Variants in IGFBP7 observed in about 807,000 individuals in gnomAD.
IGFBP7 encodes the protein insulin like growth factor binding protein 7.
A neutral mutation model predicts 29.4 loss-of-function variants in IGFBP7; 31 were observed. The observed-to-expected ratio is 1.05, with a 90% CI of 0.79 to 1.42. The LOEUF is 1.42. Ranked by LOEUF, IGFBP7 falls within the 40% of genes most tolerant of loss-of-function variation. The pLI is 0.00. For synonymous variants in IGFBP7, 172 were observed against 174.9 expected, an observed-to-expected ratio of 0.98 and a Z score of 0.13; for missense variants, 393 against 395.5, an observed-to-expected ratio of 0.99 and a Z score of 0.05.
At chr4:57,032,986 A>G (rs1723978172) in intron 3 of IGFBP7, among the ~76,000 whole-genome samples, 1 of 152,176 alleles carries the variant, frequency 6.6e-6, no homozygotes, top group African/African-American at 2.4e-5. Context: ...GTTCTTGTTA[A>G]TTCATTGGTT....
At chr4:57,042,108 T>C (rs10012869) in intron 1 of IGFBP7, among the ~76,000 whole-genome samples, 15,690 of 152,116 alleles carry the variant, frequency 0.1, 2,568 homozygotes, top group African/African-American at 0.34. Flanking sequence ...GCCAGAATGA[T>C]GCTTCTCCAT....
intron 1 of IGFBP7, among the ~76,000 whole-genome samples, chr4:57,060,480 G>A (rs1463946300): frequency 6.6e-6 from 1 of 152,166 alleles, no homozygotes; most frequent in Admixed American, 6.5e-5. Flanking sequence ...CCCTCAATCA[G>A]GTTTGAGGTT....
intron 1 of IGFBP7, among the ~76,000 whole-genome samples, chr4:57,061,414 T>C (rs1278948093): frequency 1.1e-4 from 16 of 152,184 alleles, no homozygotes; most frequent in Admixed American, 9.2e-4. Flanking sequence ...ATAGAACAAC[T>C]ATAACAATAA....
chr4:57,085,579 AGTTGTAT>A (rs1327270114), intron 1 of IGFBP7, among the ~76,000 whole-genome samples: 1 of 50,690 alleles, frequency 2.0e-5, no homozygotes. Context: ...TCAGATAGTC[AGTTGTAT>A]GTAGTTTTCA....
chr4:57,083,823 A>G (rs1273044531), intron 1 of IGFBP7, among the ~76,000 whole-genome samples: 2 of 152,110 alleles, frequency 1.3e-5, no homozygotes, highest in East Asian at 3.8e-4. Flanking sequence ...GAATAGTTCT[A>G]TTTTATTAGT....
chr4:57,034,193 T>C (rs1724025330), intron 2 of IGFBP7, among the ~76,000 whole-genome samples: 1 of 152,212 alleles, frequency 6.6e-6, no homozygotes, highest in African/African-American at 2.4e-5. Flanking sequence ...TACTGAATAG[T>C]ATCCTTTTTG....
At chr4:57,050,870 C>G (rs1446465206) in intron 1 of IGFBP7, among the ~76,000 whole-genome samples, 2 of 152,092 alleles carry the variant, frequency 1.3e-5, no homozygotes, top group African/African-American at 4.8e-5. Context: ...TTGCTGAGTA[C>G]ATGCTAACAT....
chr4:57,056,374 CGT>C (rs1560496166), intron 1 of IGFBP7, among the ~76,000 whole-genome samples: 1 of 152,070 alleles, frequency 6.6e-6, no homozygotes, highest in Non-Finnish European at 1.5e-5. Flanking sequence ...TAGTTCTTCT[CGT>C]GTGTGTGTCT....
chr4:57,101,864 C>A (rs952430433), intron 1 of IGFBP7, among the ~76,000 whole-genome samples: 54 of 152,074 alleles, frequency 3.6e-4, no homozygotes, highest in African/African-American at 1.2e-3. Context: ...GTAAAAGACT[C>A]ACTGGGAAAT....
At chr4:57,068,634 A>C (rs1287021103) in intron 1 of IGFBP7, among the ~76,000 whole-genome samples, 1 of 152,244 alleles carries the variant, frequency 6.6e-6, no homozygotes, top group Non-Finnish European at 1.5e-5. Flanking sequence ...AAAAAATAAA[A>C]GAAAATATCA....
At chr4:57,062,964 G>A (rs1724833994) in intron 1 of IGFBP7, among the ~76,000 whole-genome samples, 1 of 152,138 alleles carries the variant, frequency 6.6e-6, no homozygotes, top group Admixed American at 6.6e-5. Flanking sequence ...ATCCAGAATA[G>A]ATAAGATCTG....
intron 1 of IGFBP7, among the ~76,000 whole-genome samples, chr4:57,087,452 G>A (rs907839871): frequency 6.6e-6 from 1 of 152,214 alleles, no homozygotes; most frequent in Non-Finnish European, 1.5e-5. Flanking sequence ...ATTTTGCTCT[G>A]TATAAATTTG....
At chr4:57,079,345 C>G (rs577095133) in intron 1 of IGFBP7, among the ~76,000 whole-genome samples, 3 of 152,246 alleles carry the variant, frequency 2.0e-5, no homozygotes, top group African/African-American at 4.8e-5. Flanking sequence ...CCCCACCTTT[C>G]AACACTGCTG....
At chr4:57,083,490 G>C (rs1725421665) in intron 1 of IGFBP7, among the ~76,000 whole-genome samples, 1 of 152,112 alleles carries the variant, frequency 6.6e-6, no homozygotes, top group Non-Finnish European at 1.5e-5. Context: ...TTTTCCTGTT[G>C]CTTTATCGAT....
intron 1 of IGFBP7, among the ~76,000 whole-genome samples, chr4:57,089,338 C>T (rs1022670115): frequency 6.6e-6 from 1 of 152,116 alleles, no homozygotes; most frequent in South Asian, 2.1e-4. Flanking sequence ...TTATCCCTTT[C>T]CACATATTAA....
At chr4:57,058,947 C>T (rs1560497032) in intron 1 of IGFBP7, among the ~76,000 whole-genome samples, 1 of 152,168 alleles carries the variant, frequency 6.6e-6, no homozygotes, top group Non-Finnish European at 1.5e-5. Context: ...CATGAATGGA[C>T]ACTTTTCTAA....
intron 1 of IGFBP7, among the ~76,000 whole-genome samples, chr4:57,097,485 A>G (rs1017584874): frequency 6.6e-6 from 1 of 152,242 alleles, no homozygotes; most frequent in Non-Finnish European, 1.5e-5. Context: ...CTGGGAACAC[A>G]TGAGGCAGTA....
At chr4:57,037,526 G>A (rs1724111381) in intron 2 of IGFBP7, among the ~76,000 whole-genome samples, 1 of 151,834 alleles carries the variant, frequency 6.6e-6, no homozygotes, top group African/African-American at 2.4e-5. Context: ...ACAGGTGCGA[G>A]CCACCACACC....
chr4:57,061,045 G>A (rs1214093491), intron 1 of IGFBP7, among the ~76,000 whole-genome samples: 1 of 141,172 alleles, frequency 7.1e-6, no homozygotes, highest in African/African-American at 2.7e-5. Flanking sequence ...GCAACAGCGA[G>A]ATTTCGTCTC....
Sources: allele counts gnomAD v4.1 joint callset (sites outside exome capture counted in the v4.1 genomes callset), GRCh38; gene constraint gnomAD v4.1.1; transcripts MANE v1.5; gene names NCBI Gene and HGNC (gene_info 2026-07-23, HGNC 2026-07-21).